SPECC1: variants seen among roughly 807,000 people sequenced by gnomAD.
SPECC1 encodes cytospin-B.
A neutral mutation model predicts 104.1 loss-of-function variants in SPECC1; 62 were observed. The observed-to-expected ratio is 0.60, with a 90% CI of 0.49 to 0.74. The LOEUF (loss-of-function observed/expected upper bound fraction) is 0.74, where lower values mean the gene tolerates loss of function less well. SPECC1 is among the 30% of genes least tolerant of loss of function. The probability of loss-of-function intolerance (pLI) is 0.00; values close to 1 mark genes in which losing one functional copy is unlikely to be tolerated. For missense variants in SPECC1, 1,306 were observed against 1,310.5 expected (o/e 1.00, Z 0.05); for synonymous variants, 513 against 501.6 (o/e 1.02, Z -0.30).
intron 3 of SPECC1, among the ~76,000 whole-genome samples, chr17:20,153,199 T>C (rs780883329): frequency 6.6e-6 from 1 of 152,148 alleles, no homozygotes; most frequent in Non-Finnish European, 1.5e-5. Flanking sequence ...ATAGCAGATA[T>C]GAAAGCATAG....
At chr17:20,282,861 A>G (rs1027721046) in intron 12 of SPECC1, among the ~76,000 whole-genome samples, 3 of 152,224 alleles carry the variant, frequency 2.0e-5, no homozygotes, top group Admixed American at 1.3e-4. Flanking sequence ...ATAATGAGCC[A>G]TATAAAATCT....
chr17:20,176,407 C>G (rs2034477278), intron 3 of SPECC1, among the ~76,000 whole-genome samples: 1 of 152,200 alleles, frequency 6.6e-6, no homozygotes. Context: ...CTCCCTACTT[C>G]CGTGTCCCTC....
chr17:20,297,715 A>G (rs905896895), intron 13 of SPECC1, among the ~76,000 whole-genome samples: 10 of 152,204 alleles, frequency 6.6e-5, no homozygotes, highest in Non-Finnish European at 1.0e-4. Context: ...AAAACAGGCT[A>G]TGAGCCAGAT....
At chr17:20,222,143 G>A (rs992949680) in intron 4 of SPECC1, among the ~76,000 whole-genome samples, 1 of 151,944 alleles carries the variant, frequency 6.6e-6, no homozygotes, top group African/African-American at 2.4e-5. Context: ...AGACCAGCCT[G>A]GCCAACATGG....
chr17:20,236,788 G>A (rs981885731), intron 7 of SPECC1: 47 of 1,595,000 alleles, frequency 2.9e-5, no homozygotes, highest in African/African-American at 9.4e-5. Flanking sequence ...AAATTCTTGC[G>A]TTTGTGAACT....
chr17:20,220,291 T>C (rs943838816), intron 4 of SPECC1, among the ~76,000 whole-genome samples: 3 of 152,128 alleles, frequency 2.0e-5, no homozygotes, highest in Non-Finnish European at 2.9e-5. Flanking sequence ...TATTGACTTA[T>C]CCAGTCTCTA....
chr17:20,257,368 CTGTAT>C, intron 10 of SPECC1, 78 bp from the exon 11 acceptor site: 1 of 1,430,436 alleles, frequency 7.0e-7, no homozygotes, highest in Non-Finnish European at 9.4e-7. Context: ...AAAATGAGAA[CTGTAT>C]TGTATTTGAG....
chr17:20,155,952 G>C, intron 3 of SPECC1: 1 of 1,245,754 alleles, frequency 8.0e-7, no homozygotes, highest in Non-Finnish European at 1.0e-6. Context: ...GGTCCGGCAG[G>C]ATGCAGATGA....
chr17:20,122,056 A>C (rs1055533356), intron 3 of SPECC1, among the ~76,000 whole-genome samples: 2 of 152,200 alleles, frequency 1.3e-5, no homozygotes, highest in Non-Finnish European at 2.9e-5. Context: ...CCAGGTGAAC[A>C]GCTGGAGTGG....
intron 12 of SPECC1, among the ~76,000 whole-genome samples, chr17:20,274,917 T>G (rs1195638920): frequency 1.3e-5 from 2 of 151,662 alleles, no homozygotes; most frequent in South Asian, 4.1e-4. Flanking sequence ...GAAATAAGAT[T>G]TAATAATATT....
At chr17:20,177,577 C>T (rs183357609) in intron 3 of SPECC1, among the ~76,000 whole-genome samples, 41 of 152,252 alleles carry the variant, frequency 2.7e-4, no homozygotes, top group African/African-American at 9.1e-4. Context: ...CTTTAGTTAA[C>T]GGCATATCAA....
intron 4 of SPECC1, among the ~76,000 whole-genome samples, chr17:20,208,397 A>G (rs150692376): frequency 6.6e-6 from 1 of 152,356 alleles, no homozygotes; most frequent in African/African-American, 2.4e-5. Flanking sequence ...ACCCTTTTAC[A>G]TTACTGTAGA....
intron 3 of SPECC1, chr17:20,112,701 A>AT: frequency 8.9e-7 from 1 of 1,129,198 alleles, no homozygotes; most frequent in Non-Finnish European, 1.4e-6. Flanking sequence ...AAACTGTGTA[A>AT]TTTTGAGGAT....
rs543951270 is a variant in SPECC1 at position 20,009,940 on chromosome 17, C to T, written c.-22+516C>T. Reference sequence around the variant, plus strand: ...TCGCCCTCGGCGTCCGCCGCGCTCCCGCCCCTTCCTGGCCGGGGTGACAGG... The same window carrying T: ...TCGCCCTCGGCGTCCGCCGCGCTCCTGCCCCTTCCTGGCCGGGGTGACAGG... On this transcript the variant is annotated intron_variant, in intron 1 of 14. Transcript: ENST00000395527. The surrounding 1 kb of genome is among the most constrained non-coding windows in gnomAD (Gnocchi z 5.2). The T allele has an allele frequency of 6.6e-6, 1 of 152,556 alleles. No homozygotes were observed. Among genetic ancestry groups the T allele is most frequent in the African/African-American group, 2.4e-5 (1 of 41,570 alleles). 9.5% of individuals were successfully genotyped at this position (152,556 alleles called of 1,614,324 possible).
rs184679568 is a variant in SPECC1, at chr17:20,251,373, A to G, written c.2599-2132A>G. Among the ~76,000 whole-genome samples, 197 of 152,306 alleles carry G rather than the reference A, an allele frequency of 1.3e-3. 1 individual carries two copies. Among genetic ancestry groups the G allele is most frequent in the African/African-American group, 4.6e-3 (192 of 41,572 alleles). On this transcript the variant is annotated intron_variant, in intron 9 of 14. Transcript: ENST00000395527. ...TAATCTGATAAAGGGTCTGTATTAT[A>G]TATCTACAGCAAACATCATACTTAA... is the stretch of plus-strand genomic sequence containing the variant.
At chr17:20,015,660 C>A (rs2044094120) in intron 1 of SPECC1, among the ~76,000 whole-genome samples, 1 of 145,738 alleles carries the variant, frequency 6.9e-6, no homozygotes, top group Non-Finnish European at 1.5e-5. Flanking sequence ...TCTCGGCTCA[C>A]TGCAAGCTCT....
intron 4 of SPECC1, among the ~76,000 whole-genome samples, chr17:20,211,182 A>T (rs969277366): frequency 2.0e-5 from 3 of 152,210 alleles, no homozygotes; most frequent in Non-Finnish European, 4.4e-5. Flanking sequence ...CTGAGTAGCC[A>T]CTGGCTGCTG....
At chr17:20,214,706 C>A (rs1022709798) in intron 4 of SPECC1, among the ~76,000 whole-genome samples, 11 of 152,110 alleles carry the variant, frequency 7.2e-5, no homozygotes, top group Non-Finnish European at 1.6e-4. Flanking sequence ...CGGGGTTTCA[C>A]CATGTTGGCC....
intron 12 of SPECC1, among the ~76,000 whole-genome samples, chr17:20,291,016 G>A (rs1225100772): frequency 1.3e-5 from 2 of 152,216 alleles, no homozygotes; most frequent in African/African-American, 4.8e-5. Flanking sequence ...GAAGGATTTA[G>A]CAAGTGTTAA....
Sources: gnomAD v4.1 joint callset for allele counts (sites outside exome capture counted in the v4.1 genomes callset) on GRCh38, gnomAD v4.1.1 for gene constraint, Gnocchi (gnomAD v3.1) non-coding constraint, MANE v1.5 for transcripts, NCBI Gene and HGNC (gene_info 2026-07-23, HGNC 2026-07-21) for gene names.